Variants in AACS observed in about 807,000 individuals in gnomAD.
AACS encodes acetoacetate-CoA ligase.
A neutral mutation model predicts 83.1 loss-of-function variants in AACS; 69 were observed. The ratio of observed to expected loss-of-function variants is 0.83; its 90% CI spans 0.68 to 1.01. The LOEUF (loss-of-function observed/expected upper bound fraction) is 1.01, where lower values mean the gene tolerates loss of function less well. AACS is among the 50% of genes least tolerant of loss of function. The probability of loss-of-function intolerance (pLI) is 0.00; values close to 1 mark genes in which losing one functional copy is unlikely to be tolerated. For missense variants in AACS, 866 were observed against 882.2 expected (o/e 0.98, Z 0.23); for synonymous variants, 333 against 343.4 (o/e 0.97, Z 0.33).
intron 8 of AACS, among the ~76,000 whole-genome samples, chr12:125,108,706 C>T (rs897179791): frequency 1.7e-4 from 26 of 151,654 alleles, no homozygotes; most frequent in African/African-American, 5.8e-4. Context: ...CTTGATCTGT[C>T]GCCCAGACTG....
Position 125,136,763 on chromosome 12 carries a change from G to T in AACS, c.1780G>T (p.Ala594Ser), listed in dbSNP as rs200966429. The change falls in exon 17 of 18, where the codon GCC becomes TCC. Residue 594 changes from alanine to serine, a missense_variant. Transcript: ENST00000316519. ...CTTCCTGAAGATGGCCTCCGGGCACGCCTTCCAGCCTGACTTGGTTAAGAG... is the reference window on the plus strand; with the variant it reads ...CTTCCTGAAGATGGCCTCCGGGCACTCCTTCCAGCCTGACTTGGTTAAGAG... ...ILFLKMASGH[A>S]FQPDLVKRIR... The T allele has an allele frequency of 6.2e-6, 10 of 1,613,986 alleles. No individual in the cohort carries two copies. In the African/African-American group the frequency reaches 1.3e-4, roughly 22 times the overall value.
chr12:125,091,892 C>T (rs963778181), intron 5 of AACS, among the ~76,000 whole-genome samples: 5 of 152,240 alleles, frequency 3.3e-5, no homozygotes, highest in African/African-American at 9.6e-5. Context: ...TTTTTGTTCT[C>T]AAAGTCCTGC....
chr12:125,108,672 T>C (rs1956884007), intron 8 of AACS, among the ~76,000 whole-genome samples: 1 of 148,400 alleles, frequency 6.7e-6, no homozygotes, highest in South Asian at 2.1e-4. Context: ...TTTTATTTTA[T>C]TTTATTTTTT....
chr12:125,137,641 C>G (rs1476887755), intron 17 of AACS, among the ~76,000 whole-genome samples: 1 of 152,182 alleles, frequency 6.6e-6, no homozygotes, highest in Non-Finnish European at 1.5e-5. Context: ...TGCTTTGATT[C>G]TAAGTGGGGG....
intron 3 of AACS, among the ~76,000 whole-genome samples, chr12:125,079,495 C>A (rs1280987907): frequency 1.3e-5 from 2 of 152,148 alleles, no homozygotes; most frequent in Non-Finnish European, 2.9e-5. Context: ...GATCCTCCCA[C>A]CTTAGCCTCC....
chr12:125,107,169 G>A lies in AACS; in HGVS notation c.816G>A (p.Pro272=), dbSNP rs145117680. 1.2e-4 allele frequency: 199 copies of A among 1,614,010 alleles called. No individual in the cohort carries two copies. The highest frequency in any genetic ancestry group is 7.7e-4 in the African/African-American group (58 of 74,928). Residue 272 remains proline, a synonymous_variant, in exon 8 of 18, where the codon CCG becomes CCA. Transcript: ENST00000316519. ...CCACCGGCACCAGTGAGCAGGCCCCGCAGCTGGAGTTCGAGCAGCTGCCCT... is the reference window on the plus strand; with the variant it reads ...CCACCGGCACCAGTGAGCAGGCCCCACAGCTGGAGTTCGAGCAGCTGCCCT... ...FLATGTSEQA[P]QLEFEQLPFS...
At position 125,076,499 on chromosome 12, in the gene AACS, C is replaced by T. The variant is rs747008072; in HGVS notation, c.246C>T (p.Asp82=). 1.7e-5 allele frequency: 27 copies of T among 1,613,996 alleles called. No individual in the cohort carries two copies. In the South Asian group the frequency reaches 2.3e-4, roughly 14 times the overall value. Residue 82 remains aspartate, a synonymous_variant, in exon 3 of 18, where the codon GAC becomes GAT. Coordinates refer to ENST00000316519, the MANE Select transcript of AACS (RefSeq NM_023928.5). ...VFSRVYDEVV[D]TSKGIADVPE... ...GTTGTCATTCTCTATAGGTTGTGGA[C>T]ACATCGAAAGGAATCGCAGATGTCC...
chr12:125,125,406 G>A lies in AACS; in HGVS notation c.1309+382G>A, dbSNP rs113180486. Among the ~76,000 whole-genome samples, 198 of 152,280 alleles carry A rather than the reference G, an allele frequency of 1.3e-3. 2 individuals carry two copies. The highest frequency in any genetic ancestry group is 4.5e-3 in the African/African-American group (187 of 41,572). On this transcript the variant is annotated intron_variant, in intron 12 of 17. Transcript: ENST00000316519. ...TCAGGTGCTAGAGCTGGGATGCCAC[G>A]CCCGGGAAGACAGCACCCTGCCCCA...
At position 125,124,689 on chromosome 12, in the gene AACS, C is replaced by T. The variant is rs1350854830; in HGVS notation, c.1122-16C>T. The T allele has an allele frequency of 2.5e-6, 4 of 1,613,076 alleles. No individual in the cohort carries two copies. The highest frequency in any genetic ancestry group is 3.3e-5 in the Admixed American group (2 of 59,950). ...TTGAAGAGTTTCTGGTGTTTTCTTT[C>T]CCGCCTGCACCCTAGCATCACTGTC... is the stretch of plus-strand genomic sequence containing the variant. On this transcript the variant is annotated splice_polypyrimidine_tract_variant and intron_variant, in intron 10 of 17. Coordinates refer to ENST00000316519, the MANE Select transcript of AACS (RefSeq NM_023928.5).
In AACS at chr12:125,094,331, T is replaced by G. The variant is rs1167528261; in HGVS notation, c.570+2808T>G. Among the ~76,000 whole-genome samples, 1 of 152,260 alleles carries G rather than the reference T, an allele frequency of 6.6e-6. No individual in the cohort carries two copies. The highest frequency in any genetic ancestry group is 2.4e-5 in the African/African-American group (1 of 41,470). On this transcript the variant is annotated intron_variant, in intron 5 of 17. Transcript: ENST00000316519. This position sits in a 1 kb window ranked among gnomAD's most constrained non-coding sequence, Gnocchi z 4.1. ...AATGTCTTCCCTTTGGAATCATGTT[T>G]TCTCTTGCTTTGAAATTATATTTCT...
chr12:125,077,012 A>G (rs547016154), intron 3 of AACS, among the ~76,000 whole-genome samples: 1 of 151,712 alleles, frequency 6.6e-6, no homozygotes, highest in Admixed American at 6.6e-5. Flanking sequence ...GGCTCAAGCA[A>G]TCCTCCCACC....
intron 3 of AACS, among the ~76,000 whole-genome samples, chr12:125,082,092 C>G (rs1332885572): frequency 2.6e-5 from 4 of 151,644 alleles, no homozygotes; most frequent in Admixed American, 2.6e-4. Context: ...CCAGGCTTGT[C>G]TTGAACTCCT....
intron 5 of AACS, among the ~76,000 whole-genome samples, chr12:125,092,972 C>T (rs1956521818): frequency 6.6e-6 from 1 of 152,224 alleles, no homozygotes; most frequent in South Asian, 2.1e-4. Flanking sequence ...CTCCATGTGG[C>T]TTCCTTGATC....
At chr12:125,107,320 A>G (rs1363946306) in intron 8 of AACS, 52 bp downstream of exon 8, 4 of 1,597,224 alleles carry the variant, frequency 2.5e-6, no homozygotes, top group African/African-American at 2.7e-5. Flanking sequence ...GTTTGCTTCA[A>G]CAGGGCCTCC....
chr12:125,135,527 T>G (rs531491489), intron 16 of AACS, among the ~76,000 whole-genome samples: 1 of 152,160 alleles, frequency 6.6e-6, no homozygotes, highest in African/African-American at 2.4e-5. Flanking sequence ...AACTGTACAG[T>G]GGAGTCACCT....
intron 5 of AACS, among the ~76,000 whole-genome samples, chr12:125,098,922 TA>T (rs1956666849): frequency 6.6e-6 from 1 of 152,194 alleles, no homozygotes; most frequent in Non-Finnish European, 1.5e-5. Flanking sequence ...AAACTGTTTC[TA>T]GTTCCCACCC....
intron 1 of AACS, among the ~76,000 whole-genome samples, chr12:125,067,361 G>A (rs538006667): frequency 3.6e-4 from 55 of 152,284 alleles, no homozygotes; most frequent in African/African-American, 1.3e-3. Context: ...TTCTTCCTCT[G>A]TGTCACCTTG....
In AACS at chr12:125,114,474, C is replaced by A. The variant is rs753755573; in HGVS notation, c.916-3C>A. ...CACCCGCTCCCCCGTGTCTCCCCTG[C>A]AGGGCACCCTCATCCAGCATCTGAA... On this transcript the variant is annotated splice_region_variant and splice_polypyrimidine_tract_variant and intron_variant, in intron 8 of 17. Coordinates refer to ENST00000316519, the MANE Select transcript of AACS (RefSeq NM_023928.5). 1.2e-6 allele frequency: 2 copies of A among 1,612,594 alleles called. No homozygotes were observed. The highest frequency in any genetic ancestry group is 1.7e-5 in the Admixed American group (1 of 59,932).
At chr12:125,110,250 T>C (rs1956926738) in intron 8 of AACS, among the ~76,000 whole-genome samples, 1 of 129,306 alleles carries the variant, frequency 7.7e-6, no homozygotes, top group Non-Finnish European at 1.7e-5. Flanking sequence ...TGTGTGTGTG[T>C]TTAGTAGAGA....
Sources: gnomAD v4.1 joint callset for allele counts (sites outside exome capture counted in the v4.1 genomes callset) on GRCh38, gnomAD v4.1.1 for gene constraint, Gnocchi (gnomAD v3.1) non-coding constraint, MANE v1.5 for transcripts, NCBI Gene and HGNC (gene_info 2026-07-23, HGNC 2026-07-21) for gene names.